Variants in NLGN1 observed in about 807,000 individuals in gnomAD.
The protein encoded by NLGN1 is neuroligin-1.
Under a neutral mutation model 65.5 loss-of-function variants are expected in NLGN1, and 12 were observed. That is an observed-to-expected ratio of 0.18 (90% confidence interval 0.12 to 0.30). NLGN1 has a LOEUF of 0.30. Among genes scored for constraint, NLGN1 ranks in the 10% least tolerant of loss-of-function variants. The pLI is 1.00. For synonymous variants in NLGN1, 350 were observed against 359.5 expected (o/e 0.97, Z 0.30); for missense variants, 750 against 1,007.1 (o/e 0.74, Z 3.46).
intron 2 of NLGN1, among the ~76,000 whole-genome samples, chr3:173,571,982 G>A (rs1744720769): frequency 6.6e-6 from 1 of 152,134 alleles, no homozygotes; most frequent in South Asian, 2.1e-4. Flanking sequence ...TTGCAGATGA[G>A]GAAAAAGAAT....
chr3:173,453,671 G>A (rs1722019061), intron 2 of NLGN1, among the ~76,000 whole-genome samples: 1 of 152,140 alleles, frequency 6.6e-6, no homozygotes, highest in Non-Finnish European at 1.5e-5. Flanking sequence ...ATTCATTCAA[G>A]TTTGTTCACG....
chr3:174,194,844 G>A (rs1290991243), intron 4 of NLGN1, among the ~76,000 whole-genome samples: 3 of 143,180 alleles, frequency 2.1e-5, no homozygotes, highest in African/African-American at 7.6e-5. Context: ...AACCATTCAA[G>A]ATTTTTTTTT....
chr3:174,140,437 G>A (rs9821644), intron 4 of NLGN1, among the ~76,000 whole-genome samples: 23,184 of 152,064 alleles, frequency 0.15, 3,331 homozygotes, highest in African/African-American at 0.37. Context: ...TTTGCTGGAT[G>A]TATTTTAAGT....
chr3:173,580,972 T>C (rs1334815930), intron 2 of NLGN1, among the ~76,000 whole-genome samples: 2 of 152,026 alleles, frequency 1.3e-5, no homozygotes, highest in African/African-American at 4.8e-5. Context: ...TCAATAAGTG[T>C]TTGCTGAAAG....
At chr3:173,944,367 T>A (rs1263084521) in intron 4 of NLGN1, among the ~76,000 whole-genome samples, 1 of 152,134 alleles carries the variant, frequency 6.6e-6, no homozygotes, top group Non-Finnish European at 1.5e-5. Context: ...TCTGAAGCTT[T>A]GTTTACATGG....
chr3:173,830,320 T>C (rs747103286), intron 4 of NLGN1, among the ~76,000 whole-genome samples: 24 of 152,124 alleles, frequency 1.6e-4, no homozygotes, highest in African/African-American at 2.7e-4. Context: ...GGAAAGAAGA[T>C]TGCCATAGTT....
intron 2 of NLGN1, among the ~76,000 whole-genome samples, chr3:173,588,124 T>C (rs1747812853): frequency 6.6e-6 from 1 of 152,200 alleles, no homozygotes; most frequent in African/African-American, 2.4e-5. Flanking sequence ...AAAATTCAAG[T>C]TTTTGACATA....
intron 4 of NLGN1, among the ~76,000 whole-genome samples, chr3:174,219,441 T>A (rs1328588906): frequency 2.0e-5 from 3 of 152,134 alleles, no homozygotes; most frequent in African/African-American, 7.2e-5. Flanking sequence ...GTCAATGGCA[T>A]AATCACAGGG....
intron 4 of NLGN1, among the ~76,000 whole-genome samples, chr3:173,864,406 G>A (rs1265840395): frequency 3.3e-5 from 5 of 151,970 alleles, no homozygotes; most frequent in Admixed American, 6.6e-5. Context: ...TTTCTTTCCC[G>A]TAAAGCAAAG....
chr3:173,421,665 G>C (rs191723), intron 1 of NLGN1, among the ~76,000 whole-genome samples: 41,285 of 151,358 alleles, frequency 0.27, 5,833 homozygotes, highest in Middle Eastern at 0.41. Context: ...GATTACAGGT[G>C]TGCACCATCA....
intron 4 of NLGN1, among the ~76,000 whole-genome samples, chr3:173,908,568 A>G (rs1738917391): frequency 6.6e-6 from 1 of 151,752 alleles, no homozygotes; most frequent in East Asian, 1.9e-4. Context: ...ATCACCCCAC[A>G]CTCACTAATA....
intron 4 of NLGN1, among the ~76,000 whole-genome samples, chr3:173,990,475 G>A (rs1720865589): frequency 6.6e-6 from 1 of 152,150 alleles, no homozygotes; most frequent in African/African-American, 2.4e-5. Context: ...AAATGAGCAT[G>A]CAAATTTTAT....
chr3:173,409,047 A>C (rs558475740), intron 1 of NLGN1, among the ~76,000 whole-genome samples: 1 of 152,258 alleles, frequency 6.6e-6, no homozygotes, highest in Non-Finnish European at 1.5e-5. Context: ...GAAGCCTGAG[A>C]TCTCACAGAA....
intron 3 of NLGN1, among the ~76,000 whole-genome samples, chr3:173,676,413 C>T (rs1292342175): frequency 6.6e-6 from 1 of 152,102 alleles, no homozygotes; most frequent in Non-Finnish European, 1.5e-5. Flanking sequence ...TTTAGCCAGT[C>T]TGCCCTTTTG....
intron 4 of NLGN1, among the ~76,000 whole-genome samples, chr3:173,823,235 C>T (rs1451958827): frequency 2.0e-5 from 3 of 151,946 alleles, no homozygotes; most frequent in African/African-American, 7.3e-5. Context: ...TCTCTCTATC[C>T]ACCACCTACT....
At chr3:173,879,248 A>C (rs1257513410) in intron 4 of NLGN1, among the ~76,000 whole-genome samples, 1 of 150,978 alleles carries the variant, frequency 6.6e-6, no homozygotes, top group African/African-American at 2.4e-5. Context: ...AAAAAAAAAG[A>C]AAGAAAGAAA....
chr3:174,009,567 C>T (rs1725113824), intron 4 of NLGN1, among the ~76,000 whole-genome samples: 1 of 152,152 alleles, frequency 6.6e-6, no homozygotes, highest in Non-Finnish European at 1.5e-5. Context: ...GGAGCGAGTA[C>T]ATGAATCCTG....
intron 3 of NLGN1, among the ~76,000 whole-genome samples, chr3:173,713,218 A>G (rs1433098854): frequency 6.6e-6 from 1 of 152,172 alleles, no homozygotes; most frequent in Middle Eastern, 3.2e-3. Context: ...GATAATGTGA[A>G]GTAAGAATAA....
intron 4 of NLGN1, among the ~76,000 whole-genome samples, chr3:174,096,454 T>A (rs1745551461): frequency 6.6e-6 from 1 of 151,952 alleles, no homozygotes; most frequent in African/African-American, 2.4e-5. Flanking sequence ...CATGGAAATA[T>A]CATTTTATAG....
Sources: gnomAD v4.1 joint callset for allele counts (sites outside exome capture counted in the v4.1 genomes callset) on GRCh38, gnomAD v4.1.1 for gene constraint, MANE v1.5 for transcripts, NCBI Gene and HGNC (gene_info 2026-07-23, HGNC 2026-07-21) for gene names.